SLC8A1: variants seen among roughly 807,000 people sequenced by gnomAD.
SLC8A1 encodes the protein sodium/calcium exchanger 1.
In SLC8A1, 18 loss-of-function variants were observed where a neutral mutation model predicts 68.3. The ratio of observed to expected loss-of-function variants is 0.26; its 90% CI spans 0.18 to 0.39. The LOEUF is 0.39. SLC8A1 is among the 10% of genes least tolerant of loss of function. The probability of loss-of-function intolerance (pLI) is 1.00; values close to 1 mark genes in which losing one functional copy is unlikely to be tolerated. For missense variants in SLC8A1, 985 were observed against 1,156.7 expected (o/e 0.85, Z 2.15); for synonymous variants, 475 against 415.5 (o/e 1.14, Z -1.74).
chr2:40,297,778 C>CT (rs1333850067), intron 2 of SLC8A1, among the ~76,000 whole-genome samples: 1 of 152,142 alleles, frequency 6.6e-6, no homozygotes, highest in East Asian at 1.9e-4. Flanking sequence ...ATGAATGAAG[C>CT]TTTAATGACT....
chr2:40,155,876 G>T (rs561304262), intron 6 of SLC8A1, among the ~76,000 whole-genome samples: 4 of 152,130 alleles, frequency 2.6e-5, no homozygotes, highest in Admixed American at 2.0e-4. Context: ...AGTGTGGACA[G>T]GTCAGCAGCA....
chr2:40,480,617 C>T (rs1269800840), intron 1 of SLC8A1, among the ~76,000 whole-genome samples: 3 of 152,120 alleles, frequency 2.0e-5, no homozygotes, highest in Non-Finnish European at 2.9e-5. Flanking sequence ...CCTAACTTTG[C>T]TTAGATTAAG....
At chr2:40,112,247 A>C (rs1411557126) in exon 8 of SLC8A1, 1 of 152,626 alleles carries the variant, frequency 6.6e-6, no homozygotes, top group Non-Finnish European at 1.5e-5. Flanking sequence ...CTGTATCACT[A>C]GTGATTAAAT....
intron 2 of SLC8A1, among the ~76,000 whole-genome samples, chr2:40,215,403 C>T (rs1279361677): frequency 4.0e-5 from 6 of 151,832 alleles, no homozygotes; most frequent in South Asian, 2.1e-4. Flanking sequence ...TTTGGGAGGC[C>T]GAGGCGGGTG....
At chr2:40,475,636 A>ATGT (rs1704251754) in intron 1 of SLC8A1, among the ~76,000 whole-genome samples, 1 of 152,110 alleles carries the variant, frequency 6.6e-6, no homozygotes, top group African/African-American at 2.4e-5. Context: ...ATGTACACAT[A>ATGT]CATGTACACA....
At chr2:40,253,887 A>AAG (rs901653020) in intron 2 of SLC8A1, among the ~76,000 whole-genome samples, 4 of 148,098 alleles carry the variant, frequency 2.7e-5, no homozygotes, top group African/African-American at 1.0e-4. Context: ...GTGGGGGATA[A>AAG]AGAAACAAAC....
chr2:40,416,239 A>G (rs542163890), intron 2 of SLC8A1, among the ~76,000 whole-genome samples: 330 of 152,246 alleles, frequency 2.2e-3, no homozygotes, highest in Middle Eastern at 3.4e-3. Context: ...TCCTAAATAC[A>G]TTGTGACAGG....
intron 2 of SLC8A1, chr2:40,209,846 G>C (rs999389699): frequency 6.6e-6 from 1 of 152,466 alleles, no homozygotes; most frequent in Non-Finnish European, 1.5e-5. Flanking sequence ...CATCTGAATG[G>C]GGAGAAGAAG....
At chr2:40,122,222 A>C (rs2037034623) in intron 7 of SLC8A1, among the ~76,000 whole-genome samples, 1 of 144,988 alleles carries the variant, frequency 6.9e-6, no homozygotes, top group Non-Finnish European at 1.5e-5. Flanking sequence ...ACACACACAC[A>C]CACGTGTGCG....
intron 2 of SLC8A1, among the ~76,000 whole-genome samples, chr2:40,216,141 A>C (rs2057444596): frequency 6.6e-6 from 1 of 150,688 alleles, no homozygotes; most frequent in Admixed American, 6.6e-5. Flanking sequence ...CCATCCTCTA[A>C]GTTTCCTCCC....
intron 4 of SLC8A1, 109 bp from the exon 8 acceptor site, chr2:40,165,093 A>T: frequency 5.0e-6 from 7 of 1,390,028 alleles, no homozygotes; most frequent in Non-Finnish European, 7.0e-6. Context: ...ATGACCTACT[A>T]AAGCCCCCTG....
chr2:40,118,284 G>A (rs1181064387), intron 7 of SLC8A1: 1 of 152,254 alleles, frequency 6.6e-6, no homozygotes, highest in East Asian at 1.9e-4. Context: ...CCCCTTCCAG[G>A]AAGCCTGAAG....
intron 2 of SLC8A1, among the ~76,000 whole-genome samples, chr2:40,294,905 G>A (rs998063936): frequency 3.9e-5 from 6 of 151,952 alleles, no homozygotes; most frequent in Non-Finnish European, 7.4e-5. Context: ...TCTGTATGTA[G>A]CACATATAAA....
At chr2:40,205,981 A>C (rs1236564184) in intron 2 of SLC8A1, among the ~76,000 whole-genome samples, 1 of 152,028 alleles carries the variant, frequency 6.6e-6, no homozygotes, top group African/African-American at 2.4e-5. Flanking sequence ...ATTTGGTGAC[A>C]CAAAAATTCT....
At chr2:40,264,293 C>G (rs1437374729) in intron 2 of SLC8A1, among the ~76,000 whole-genome samples, 2 of 151,730 alleles carry the variant, frequency 1.3e-5, no homozygotes, top group African/African-American at 4.8e-5. Flanking sequence ...TCAGTGTGGC[C>G]ATTCCTCAGG....
chr2:40,268,949 C>T (rs2149126659), intron 2 of SLC8A1, among the ~76,000 whole-genome samples: 1 of 152,258 alleles, frequency 6.6e-6, no homozygotes, highest in Non-Finnish European at 1.5e-5. Context: ...TGGAGAGCAG[C>T]ATGAAATTAA....
intron 2 of SLC8A1, among the ~76,000 whole-genome samples, chr2:40,222,145 C>T (rs902791231): frequency 6.6e-6 from 1 of 152,150 alleles, no homozygotes; most frequent in Non-Finnish European, 1.5e-5. Context: ...GTAACAAAAA[C>T]AGCATGGTAC....
intron 2 of SLC8A1, among the ~76,000 whole-genome samples, chr2:40,331,575 T>G (rs1027646423): frequency 1.4e-4 from 21 of 151,236 alleles, no homozygotes; most frequent in African/African-American, 4.6e-4. Flanking sequence ...GGGTGGCTTT[T>G]TATTTATTTA....
intron 2 of SLC8A1, among the ~76,000 whole-genome samples, chr2:40,321,307 T>C (rs932324068): frequency 2.0e-5 from 3 of 152,126 alleles, no homozygotes; most frequent in African/African-American, 7.2e-5. Context: ...ACAAGTAAAT[T>C]AAGACATTTA....
Sources: gnomAD v4.1 joint callset for allele counts (sites outside exome capture counted in the v4.1 genomes callset) on GRCh38, gnomAD v4.1.1 for gene constraint, MANE v1.5 for transcripts, NCBI Gene and HGNC (gene_info 2026-07-23, HGNC 2026-07-21) for gene names.